SDCCAG8: variants seen among roughly 807,000 people sequenced by gnomAD.
The protein encoded by SDCCAG8 is serologically defined colon cancer antigen 8.
A neutral mutation model predicts 101.8 loss-of-function variants in SDCCAG8; 74 were observed. The ratio of observed to expected loss-of-function variants is 0.73; its 90% CI spans 0.60 to 0.88. The LOEUF (loss-of-function observed/expected upper bound fraction) is 0.88. Ranked by LOEUF, SDCCAG8 falls within the 40% of genes least tolerant of loss-of-function variation. The probability of loss-of-function intolerance (pLI) is 0.00; values close to 1 mark genes in which losing one functional copy is unlikely to be tolerated. For missense variants in SDCCAG8, 787 were observed against 822.6 expected, an observed-to-expected ratio of 0.96 and a Z score of 0.53; for synonymous variants, 281 against 292.9, an observed-to-expected ratio of 0.96 and a Z score of 0.41.
At chr1:243,470,257 T>G (rs1188783516) in intron 16 of SDCCAG8, among the ~76,000 whole-genome samples, 1 of 152,110 alleles carries the variant, frequency 6.6e-6, no homozygotes, top group Non-Finnish European at 1.5e-5. Context: ...TCCCCCTCAC[T>G]CCGCCTTTTG....
At position 243,332,471 on chromosome 1, in the gene SDCCAG8, A is replaced by G. The variant is rs73118344; in HGVS notation, c.1221+1779A>G. ...CAGTCCAGGTCTGGAGGTGATTATC[A>G]TAATCCCCCTCTGGAGGTGATTATC... On this transcript the variant is annotated intron_variant, in intron 10 of 17. Transcript: ENST00000366541. Among the ~76,000 whole-genome samples the G allele has an allele frequency of 6.1e-3, 899 of 147,888 alleles. 12 individuals are homozygous for G. Among genetic ancestry groups the G allele is most frequent in the African/African-American group, 0.021 (854 of 40,060 alleles).
chr1:243,306,123 T>G (rs1365604635), intron 7 of SDCCAG8: 2 of 150,052 alleles, frequency 1.3e-5, no homozygotes. Context: ...CTGGAACTCA[T>G]AGCTTTCACT....
chr1:243,369,314 C>T (rs1183801784), intron 12 of SDCCAG8, among the ~76,000 whole-genome samples: 1 of 152,084 alleles, frequency 6.6e-6, no homozygotes, highest in Non-Finnish European at 1.5e-5. Flanking sequence ...GAAATTACCA[C>T]ATAGTGTTGT....
intron 12 of SDCCAG8, among the ~76,000 whole-genome samples, chr1:243,378,380 C>T (rs1277307254): frequency 6.6e-6 from 1 of 152,032 alleles, no homozygotes; most frequent in East Asian, 1.9e-4. Flanking sequence ...GATTGAATCT[C>T]ACACAAAAAT....
intron 16 of SDCCAG8, among the ~76,000 whole-genome samples, chr1:243,436,236 A>G (rs2148073294): frequency 6.6e-6 from 1 of 150,934 alleles, no homozygotes; most frequent in East Asian, 2.0e-4. Context: ...CTTCCACAGC[A>G]TGGAAGGGGT....
intron 9 of SDCCAG8, 36 bp from the exon 10 acceptor site, chr1:243,330,504 T>G (rs1455223993): frequency 1.2e-6 from 2 of 1,613,538 alleles, no homozygotes; most frequent in Non-Finnish European, 8.5e-7. Flanking sequence ...TTTTCCAAAT[T>G]CTAACCTCCT....
At position 243,341,144 on chromosome 1, in the gene SDCCAG8, C is replaced by G; in HGVS notation, c.1327C>G (p.Leu443Val). 1 of 1,614,026 alleles carries G rather than the reference C, an allele frequency of 6.2e-7. No homozygotes were observed. Among genetic ancestry groups the G allele is most frequent in the Non-Finnish European group, 8.5e-7 (1 of 1,179,948 alleles). ...TCAACTGGAGGAAATTCAAAGCCAG[C>G]TGGCTTCTCGGGAAATGGATGTCAC... ...INQLEEIQSQ[L>V]ASREMDVTKV... Residue 443 changes from leucine to valine, a missense_variant, in exon 11 of 18, where the codon CTG becomes GTG. By Grantham distance (32) the Leu-to-Val change is conservative. Transcript: ENST00000366541.
intron 12 of SDCCAG8, among the ~76,000 whole-genome samples, chr1:243,360,941 G>A (rs2076675562): frequency 6.6e-6 from 1 of 152,156 alleles, no homozygotes; most frequent in African/African-American, 2.4e-5. Context: ...AAGTCAAACA[G>A]TGACCCCCTC....
At chr1:243,483,489 G>A (rs1380306844) in intron 16 of SDCCAG8, among the ~76,000 whole-genome samples, 1 of 152,070 alleles carries the variant, frequency 6.6e-6, no homozygotes, top group Non-Finnish European at 1.5e-5. Flanking sequence ...GAAGTCCGCC[G>A]TCCTCTGCCG....
At chr1:243,375,529 CT>C (rs1448554767) in intron 12 of SDCCAG8, among the ~76,000 whole-genome samples, 2 of 152,180 alleles carry the variant, frequency 1.3e-5, no homozygotes, top group Admixed American at 6.6e-5. Flanking sequence ...GCAGTGACCA[CT>C]TTTAACAGTT....
In SDCCAG8 at chr1:243,474,814, G is replaced by C. The variant is rs547338265; in HGVS notation, c.1986-14200G>C. Among the ~76,000 whole-genome samples, 1 of 152,366 alleles carries C rather than the reference G, an allele frequency of 6.6e-6. No individual in the cohort carries two copies. Among genetic ancestry groups the C allele is most frequent in the Non-Finnish European group, 1.5e-5 (1 of 68,030 alleles). On this transcript the variant is annotated intron_variant, in intron 16 of 17. Transcript: ENST00000366541. The surrounding 1 kb of genome is among the most constrained non-coding windows in gnomAD (Gnocchi z 4.7). ...AAGGGAGGAGGCTCGTCCTGAACGT[G>C]CACAGCCGCTCCTAACTCCGTCAAC...
intron 16 of SDCCAG8, among the ~76,000 whole-genome samples, chr1:243,445,103 A>G (rs1238669651): frequency 2.0e-5 from 3 of 152,238 alleles, no homozygotes; most frequent in Non-Finnish European, 4.4e-5. Flanking sequence ...TTAATAACAA[A>G]CATATTTTTC....
chr1:243,327,374 AAATTAAAATTAT>A (rs1251922993), intron 9 of SDCCAG8, among the ~76,000 whole-genome samples: 4 of 145,982 alleles, frequency 2.7e-5, no homozygotes, highest in East Asian at 1.9e-4. Flanking sequence ...AATTTTATAG[AAATTAAAATTAT>A]AATTTATAAT....
At chr1:243,339,056 C>T (rs1209541542) in intron 10 of SDCCAG8, 1 of 129,814 alleles carries the variant, frequency 7.7e-6, no homozygotes, top group Non-Finnish European at 1.7e-5. Flanking sequence ...GTGGGGTGGG[C>T]GGCAGGAGGG....
At chr1:243,293,032 A>G in intron 5 of SDCCAG8, 59 bp from the exon 6 acceptor site, 1 of 1,595,660 alleles carries the variant, frequency 6.3e-7, no homozygotes, top group Non-Finnish European at 8.6e-7. Context: ...TTATTTGTAA[A>G]ATATGCATGT....
At chr1:243,277,546 G>A (rs1314090818) in intron 4 of SDCCAG8, among the ~76,000 whole-genome samples, 1 of 152,168 alleles carries the variant, frequency 6.6e-6, no homozygotes, top group Non-Finnish European at 1.5e-5. Flanking sequence ...TTGGATGCCA[G>A]TCCTTTATCA....
chr1:243,469,836 T>G (rs1015156795), intron 16 of SDCCAG8, among the ~76,000 whole-genome samples: 29 of 150,708 alleles, frequency 1.9e-4, no homozygotes, highest in African/African-American at 6.9e-4. Flanking sequence ...GTTGGTTTTT[T>G]TTTTTTTTTT....
chr1:243,311,469 G>A (rs1485681263), intron 8 of SDCCAG8, among the ~76,000 whole-genome samples: 1 of 152,096 alleles, frequency 6.6e-6, no homozygotes, highest in Admixed American at 6.5e-5. Context: ...GTGGACGAAG[G>A]CAATGAAATT....
At chr1:243,348,171 G>A (rs1172017689) in intron 12 of SDCCAG8, among the ~76,000 whole-genome samples, 2 of 149,952 alleles carry the variant, frequency 1.3e-5, no homozygotes, top group Non-Finnish European at 3.0e-5. Context: ...GAGTAGCTGG[G>A]ACCACAGGCG....
Sources: allele counts gnomAD v4.1 joint callset (sites outside exome capture counted in the v4.1 genomes callset), GRCh38; gene constraint gnomAD v4.1.1; non-coding constraint Gnocchi (gnomAD v3.1); transcripts MANE v1.5; gene names NCBI Gene and HGNC (gene_info 2026-07-23, HGNC 2026-07-21).